Variants in PSD3 observed in about 807,000 individuals in gnomAD.
The protein encoded by PSD3 is pleckstrin and Sec7 domain containing 3, also known as PH and SEC7 domain-containing protein 3.
Under a neutral mutation model 105.5 loss-of-function variants are expected in PSD3, and 49 were observed. The ratio of observed to expected loss-of-function variants is 0.46; its 90% CI spans 0.37 to 0.59. The LOEUF (loss-of-function observed/expected upper bound fraction) is 0.59, where lower values mean the gene tolerates loss of function less well. Ranked by LOEUF, PSD3 falls within the 20% of genes least tolerant of loss-of-function variation. The pLI, the probability that PSD3 is intolerant of heterozygous loss-of-function variation, is 0.00. For missense variants in PSD3, 1,561 were observed against 1,263.8 expected (o/e 1.24, Z -3.57); for synonymous variants, 557 against 457.8 (o/e 1.22, Z -2.77).
chr8:18,666,031 T>A (rs929567398), intron 9 of PSD3, among the ~76,000 whole-genome samples: 1 of 152,118 alleles, frequency 6.6e-6, no homozygotes, highest in African/African-American at 2.4e-5. Context: ...ATGACACACA[T>A]AATAAACTAC....
chr8:18,549,501 G>A (rs985647913), intron 15 of PSD3, among the ~76,000 whole-genome samples: 1 of 152,084 alleles, frequency 6.6e-6, no homozygotes, highest in Non-Finnish European at 1.5e-5. Context: ...GAGCCACCAC[G>A]CCTGGCCCTA....
intron 9 of PSD3, among the ~76,000 whole-genome samples, chr8:18,704,238 T>A (rs1268835795): frequency 6.6e-6 from 1 of 152,234 alleles, no homozygotes; most frequent in Non-Finnish European, 1.5e-5. Flanking sequence ...ACATTTATTT[T>A]TCTTACTAGA....
At chr8:18,724,106 T>G (rs2129428258) in intron 9 of PSD3, among the ~76,000 whole-genome samples, 1 of 152,236 alleles carries the variant, frequency 6.6e-6, no homozygotes, top group Admixed American at 6.5e-5. Context: ...AAAAAGAAGA[T>G]GAAAATATGA....
chr8:18,652,952 T>C (rs1284185867), intron 10 of PSD3, among the ~76,000 whole-genome samples: 1 of 152,220 alleles, frequency 6.6e-6, no homozygotes, highest in Admixed American at 6.5e-5. Flanking sequence ...GTATTGGCCA[T>C]TTATTTCCTA....
At chr8:18,948,982 T>A (rs1823030141) in intron 1 of PSD3, among the ~76,000 whole-genome samples, 1 of 151,384 alleles carries the variant, frequency 6.6e-6, no homozygotes, top group South Asian at 2.1e-4. Flanking sequence ...AACTGCACCT[T>A]ACAAATAAGA....
chr8:18,631,726 G>C (rs369431639), intron 11 of PSD3, among the ~76,000 whole-genome samples: 2 of 151,748 alleles, frequency 1.3e-5, no homozygotes, highest in African/African-American at 4.8e-5. Flanking sequence ...AAAGAACTTG[G>C]GAACATTAAG....
At chr8:18,921,575 G>A (rs1450732715) in intron 2 of PSD3, among the ~76,000 whole-genome samples, 1 of 152,190 alleles carries the variant, frequency 6.6e-6, no homozygotes, top group Admixed American at 6.5e-5. Flanking sequence ...TGGTCACGGG[G>A]AGTCTCTTTA....
chr8:18,830,386 C>T (rs756316784), intron 4 of PSD3, among the ~76,000 whole-genome samples: 23 of 152,178 alleles, frequency 1.5e-4, no homozygotes, highest in Non-Finnish European at 2.6e-4. Context: ...AATTAAACTC[C>T]AATAGACCAC....
At chr8:18,916,807 A>G (rs1820641261) in intron 2 of PSD3, among the ~76,000 whole-genome samples, 1 of 152,176 alleles carries the variant, frequency 6.6e-6, no homozygotes, top group Non-Finnish European at 1.5e-5. Context: ...CACAACGAAT[A>G]TATGTATGAA....
intron 1 of PSD3, among the ~76,000 whole-genome samples, chr8:19,065,506 A>G (rs1161503117): frequency 6.6e-6 from 1 of 152,214 alleles, no homozygotes; most frequent in Non-Finnish European, 1.5e-5. Flanking sequence ...CTGACAGATC[A>G]GCTTGAAGTT....
chr8:18,686,375 C>T (rs1215528878), intron 9 of PSD3, among the ~76,000 whole-genome samples: 6 of 152,340 alleles, frequency 3.9e-5, no homozygotes, highest in Admixed American at 1.3e-4. Flanking sequence ...CCAGGAACCA[C>T]GCTGTGTCCC....
At chr8:18,826,880 A>T (rs535465568) in intron 4 of PSD3, among the ~76,000 whole-genome samples, 88 of 152,324 alleles carry the variant, frequency 5.8e-4, no homozygotes, top group Non-Finnish European at 9.4e-4. Context: ...TATAATTAGT[A>T]CCAGCTCATA....
At chr8:18,691,997 G>T (rs939287898) in intron 9 of PSD3, among the ~76,000 whole-genome samples, 2 of 152,028 alleles carry the variant, frequency 1.3e-5, no homozygotes, top group Admixed American at 1.3e-4. Context: ...TCATTTCTTT[G>T]ATTAGTTTGC....
chr8:18,704,497 T>A (rs1801775771), intron 9 of PSD3, among the ~76,000 whole-genome samples: 1 of 152,048 alleles, frequency 6.6e-6, no homozygotes, highest in Admixed American at 6.6e-5. Flanking sequence ...GCCACCACAC[T>A]CGGCTAATTT....
intron 12 of PSD3, among the ~76,000 whole-genome samples, chr8:18,594,218 ATATATATTATATAATATATATTAT>A (rs1563358506): frequency 0.53 from 8,262 of 15,630 alleles, 3,850 homozygotes; most frequent in Middle Eastern, 1. Flanking sequence ...ATATATTATT[ATATATATTATATAATATATATTAT>A]TATATATATT....
At chr8:18,799,145 TTC>T in intron 8 of PSD3, 148 bp downstream of exon 8, 1 of 694,242 alleles carries the variant, frequency 1.4e-6, no homozygotes, top group Non-Finnish European at 2.5e-6. Flanking sequence ...AAAAAATTAT[TTC>T]TTTTTTCAAA....
intron 1 of PSD3, among the ~76,000 whole-genome samples, chr8:19,052,751 C>T (rs997963762): frequency 7.9e-5 from 12 of 152,044 alleles, no homozygotes; most frequent in South Asian, 4.2e-4. Context: ...ATCTTGGTGA[C>T]GGCTGAAGGT....
chr8:19,073,005 G>A lies in PSD3; in HGVS notation c.324+11201C>T, dbSNP rs548477854. On this transcript the variant is annotated intron_variant, in intron 1 of 1. Coordinates refer to the PSD3 transcript ENST00000521475. ...GAATTTCTTGCTGGTCCAGTAGTACGAGGATTTGGGGCTAGATTTTATTAA... is the reference window on the plus strand; with the variant it reads ...GAATTTCTTGCTGGTCCAGTAGTACAAGGATTTGGGGCTAGATTTTATTAA... Among the ~76,000 whole-genome samples, 329 of 152,312 alleles carry A rather than the reference G, an allele frequency of 2.2e-3. 1 individual carries two copies. The highest frequency in any genetic ancestry group is 7.0e-3 in the Admixed American group (107 of 15,294).
chr8:18,580,553 A>C (rs1330377073), intron 12 of PSD3, among the ~76,000 whole-genome samples: 1 of 152,082 alleles, frequency 6.6e-6, no homozygotes, highest in African/African-American at 2.4e-5. Flanking sequence ...CTGTGTCAAA[A>C]AACAAACAAA....
Sources: allele counts gnomAD v4.1 joint callset (sites outside exome capture counted in the v4.1 genomes callset), GRCh38; gene constraint gnomAD v4.1.1; transcripts MANE v1.5; gene names NCBI Gene and HGNC (gene_info 2026-07-23, HGNC 2026-07-21).